The following PPP6R2 variants were observed in gnomAD, a reference collection of about 807,000 sequenced individuals.
PPP6R2 encodes the protein serine/threonine-protein phosphatase 6 regulatory subunit 2.
A neutral mutation model predicts 100.2 loss-of-function variants in PPP6R2; 62 were observed. That is an observed-to-expected ratio of 0.62 (90% CI 0.50 to 0.76). The LOEUF (loss-of-function observed/expected upper bound fraction) is 0.76, where lower values mean the gene tolerates loss of function less well. Among genes scored for constraint, PPP6R2 ranks in the 30% least tolerant of loss-of-function variants. The pLI is 0.00. For missense variants in PPP6R2, 1,142 were observed against 1,276.3 expected (o/e 0.89, Z 1.60); for synonymous variants, 525 against 514.7 (o/e 1.02, Z -0.27).
chr22:50,416,663 A>G (rs1281532182), intron 6 of PPP6R2, among the ~76,000 whole-genome samples: 9 of 151,504 alleles, frequency 5.9e-5, no homozygotes, highest in African/African-American at 1.9e-4. Context: ...AAAATAATCT[A>G]TGTGTATTAT....
intron 8 of PPP6R2, among the ~76,000 whole-genome samples, chr22:50,420,735 C>G (rs12163302): frequency 0.11 from 16,528 of 152,180 alleles, 1,297 homozygotes; most frequent in East Asian, 0.41. Context: ...GCCAGGTGCC[C>G]AGGAGATCCT....
chr22:50,407,828 A>G lies in PPP6R2; in HGVS notation c.414+953A>G, dbSNP rs146938513. Among the ~76,000 whole-genome samples, 131 of 150,244 alleles carry G rather than the reference A, an allele frequency of 8.7e-4. 1 individual carries two copies. The East Asian group carries it at 0.022, about 25-fold the overall frequency. ...CCACCCGCCCATCCCTGATGGGAGT[A>G]TTTTAAAACAAATCCCAGACACCAG... On this transcript the variant is annotated intron_variant, in intron 4 of 23. Coordinates refer to ENST00000612753, the MANE Select transcript of PPP6R2 (RefSeq NM_001242898.2).
At chr22:50,375,490 GA>G (rs1187830784) in intron 2 of PPP6R2, among the ~76,000 whole-genome samples, 1 of 152,120 alleles carries the variant, frequency 6.6e-6, no homozygotes, top group Non-Finnish European at 1.5e-5. Flanking sequence ...TAGCCTAAAG[GA>G]GACCCTCCCC....
chr22:50,401,550 C>T (rs533677293), intron 3 of PPP6R2, among the ~76,000 whole-genome samples: 15 of 148,864 alleles, frequency 1.0e-4, no homozygotes, highest in African/African-American at 2.2e-4. Context: ...CTCGCTCTGT[C>T]GCCCAGGCTG....
chr22:50,334,216 G>C, the PPP6R2 span, among the ~76,000 whole-genome samples: 1 of 152,226 alleles, frequency 6.6e-6, no homozygotes. Context: ...TGGTGGAGCA[G>C]AGTCTTCTCT....
rs1569472428 is a variant in PPP6R2 at position 50,424,449 on chromosome 22, AACGTCTG to A, written c.1125+836_1125+842del. On this transcript the variant is annotated intron_variant, in intron 10 of 23. Transcript: ENST00000612753. ...GTGTGGAAGGTCCGTCCGCGTGTGG[AACGTCTG>A]TCAGCGTGTGGAAGGTCCGTCCGCG... Among the ~76,000 whole-genome samples the A allele has an allele frequency of 1.2e-4, 12 of 97,652 alleles. 1 individual carries two copies. In the East Asian group the frequency reaches 5.9e-3, roughly 48 times the overall value. The allele number at this position is 97,652 out of a possible 152,430, so 64.1% of individuals were successfully genotyped here. A position where few individuals can be genotyped will look rare whatever the true frequency, so the allele number is the denominator to read the frequency against.
At position 50,423,050 on chromosome 22, in the gene PPP6R2, A is replaced by C. The variant is rs1192432304; in HGVS notation, c.973-412A>C. On this transcript the variant is annotated intron_variant, in intron 9 of 23. Coordinates refer to ENST00000612753, the MANE Select transcript of PPP6R2 (RefSeq NM_001242898.2). The surrounding 1 kb of genome is among the most constrained non-coding windows in gnomAD (Gnocchi z 4.8). ...CCGTCAGTGTCCCCAAAGTGTGTTC[A>C]TGGGACACTTGTTAGCTTGGTGTTC... is the stretch of plus-strand genomic sequence containing the variant. Among the ~76,000 whole-genome samples the C allele has an allele frequency of 1.3e-5, 2 of 152,128 alleles. No individual in the cohort carries two copies. Among genetic ancestry groups the C allele is most frequent in the Non-Finnish European group, 2.9e-5 (2 of 68,020 alleles).
At chr22:50,380,034 T>G (rs1047273447) in intron 2 of PPP6R2, among the ~76,000 whole-genome samples, 13 of 152,246 alleles carry the variant, frequency 8.5e-5, no homozygotes, top group East Asian at 3.9e-4. Context: ...CTTAGTCCAT[T>G]TGTGTTGCTA....
chr22:50,397,583 T>C (rs7410425), intron 3 of PPP6R2, among the ~76,000 whole-genome samples: 19,966 of 61,828 alleles, frequency 0.32, 2,298 homozygotes, highest in East Asian at 0.57. Context: ...CATCTCTGAG[T>C]TTTTCTCTGA....
chr22:50,435,884 C>A (rs1297128093), intron 13 of PPP6R2, among the ~76,000 whole-genome samples: 3 of 152,178 alleles, frequency 2.0e-5, no homozygotes, highest in African/African-American at 7.2e-5. Flanking sequence ...TCATTCCATA[C>A]GATCTCCAGA....
intron 4 of PPP6R2, among the ~76,000 whole-genome samples, chr22:50,410,469 C>CTTTTTTTTTTT (rs200178930): frequency 9.7e-6 from 1 of 103,342 alleles, no homozygotes; most frequent in African/African-American, 3.8e-5. Context: ...TGAGTGGTGT[C>CTTTTTTTTTTT]TTTTTTTTTT....
chr22:50,369,689 T>C (rs1234819619), intron 1 of PPP6R2, among the ~76,000 whole-genome samples: 1 of 152,120 alleles, frequency 6.6e-6, no homozygotes, highest in East Asian at 1.9e-4. Flanking sequence ...GTGTTTTTAG[T>C]AGAGGCAGGG....
intron 1 of PPP6R2, among the ~76,000 whole-genome samples, chr22:50,361,784 C>T (rs1011773540): frequency 2.6e-5 from 4 of 152,092 alleles, no homozygotes; most frequent in African/African-American, 4.8e-5. Flanking sequence ...CATAGGTGCG[C>T]TGTCTGTCTT....
At chr22:50,388,323 G>A (rs528814776) in intron 2 of PPP6R2, among the ~76,000 whole-genome samples, 1 of 151,616 alleles carries the variant, frequency 6.6e-6, no homozygotes, top group East Asian at 1.9e-4. Flanking sequence ...AAGCCTGGGA[G>A]GTTGAGGCTG....
intron 1 of PPP6R2, among the ~76,000 whole-genome samples, chr22:50,350,844 CAAAA>C (rs532536985): frequency 1.6e-5 from 2 of 125,678 alleles, no homozygotes. Flanking sequence ...GACTCCGTCT[CAAAA>C]AAAAAAAAAA....
At chr22:50,443,399 G>A (rs1289462303) in intron 22 of PPP6R2, 1 of 159,504 alleles carries the variant, frequency 6.3e-6, no homozygotes, top group Non-Finnish European at 1.4e-5. Flanking sequence ...CCTGCAGGAA[G>A]CCAGGGGGCC....
In PPP6R2 at chr22:50,436,405, G is replaced by A. The variant is rs761147889; in HGVS notation, c.1555G>A (p.Val519Met). The A allele has an allele frequency of 5.7e-6, 9 of 1,591,982 alleles. No individual in the cohort carries two copies. The highest frequency in any genetic ancestry group is 2.3e-5 in the East Asian group (1 of 44,076). ...ADCRGRWESF[V>M]EETLTETNRR... The stretch of plus-strand genomic sequence containing the variant: ...CTGCCGTGGCCGCTGGGAGAGCTTC[G>A]TGGAGGAGACGCTGACGGAGACGAA... Residue 519 changes from valine to methionine, a missense_variant, in exon 14 of 24, where the codon GTG becomes ATG. Transcript: ENST00000612753.
At chr22:50,383,503 C>T (rs1310252564) in intron 2 of PPP6R2, among the ~76,000 whole-genome samples, 3 of 152,206 alleles carry the variant, frequency 2.0e-5, no homozygotes, top group Non-Finnish European at 2.9e-5. Flanking sequence ...TTTTGGTAGG[C>T]GGTGGCCAGG....
intron 10 of PPP6R2, among the ~76,000 whole-genome samples, chr22:50,428,882 A>G (rs1482946681): frequency 6.6e-6 from 1 of 152,188 alleles, no homozygotes; most frequent in Admixed American, 6.5e-5. Context: ...GAGAGTGGGC[A>G]TCCTTGCCTC....
Sources: gnomAD v4.1 joint callset for allele counts (sites outside exome capture counted in the v4.1 genomes callset) on GRCh38, gnomAD v4.1.1 for gene constraint, Gnocchi (gnomAD v3.1) non-coding constraint, MANE v1.5 for transcripts, NCBI Gene and HGNC (gene_info 2026-07-23, HGNC 2026-07-21) for gene names.